Variants in GRID2 observed in about 807,000 individuals in gnomAD.
The protein encoded by GRID2 is glutamate receptor ionotropic, delta-2.
In GRID2, 33 loss-of-function variants were observed where a neutral mutation model predicts 114.8. The ratio of observed to expected loss-of-function variants is 0.29; its 90% CI spans 0.22 to 0.38. The LOEUF (loss-of-function observed/expected upper bound fraction) is 0.38, where lower values mean the gene tolerates loss of function less well. Ranked by LOEUF, GRID2 falls within the 10% of genes least tolerant of loss-of-function variation. GRID2 has a pLI of 1.00. For synonymous variants in GRID2, 505 were observed against 449.9 expected (o/e 1.12, Z -1.55); for missense variants, 1,184 against 1,257.7 (o/e 0.94, Z 0.89).
intron 2 of GRID2, among the ~76,000 whole-genome samples, chr4:92,617,860 G>GTGTTGTTGT (rs199877203): frequency 1.9e-4 from 29 of 151,452 alleles, no homozygotes; most frequent in Non-Finnish European, 3.0e-4. Flanking sequence ...AGACGATTTT[G>GTGTTGTTGT]TGTTGTTGTT....
chr4:93,421,051 T>G (rs1368563216), intron 9 of GRID2, among the ~76,000 whole-genome samples: 1 of 152,154 alleles, frequency 6.6e-6, no homozygotes, highest in Non-Finnish European at 1.5e-5. Flanking sequence ...TCTTACATTC[T>G]AGAGCCTTGG....
At chr4:93,427,553 A>T (rs1255182286) in intron 10 of GRID2, among the ~76,000 whole-genome samples, 1 of 151,998 alleles carries the variant, frequency 6.6e-6, no homozygotes, top group Non-Finnish European at 1.5e-5. Flanking sequence ...CATCACATTA[A>T]AGAAGAGTCA....
intron 14 of GRID2, among the ~76,000 whole-genome samples, chr4:93,704,593 C>G (rs760233565): frequency 7.2e-5 from 11 of 152,164 alleles, no homozygotes; most frequent in Non-Finnish European, 1.6e-4. Context: ...ATTATCCCCA[C>G]TTCCCTTCTT....
intron 2 of GRID2, among the ~76,000 whole-genome samples, chr4:92,997,916 C>T (rs189415083): frequency 3.4e-4 from 51 of 152,114 alleles, no homozygotes; most frequent in African/African-American, 1.1e-3. Flanking sequence ...GTATTTATTA[C>T]TCACATATCG....
chr4:92,444,299 G>C (rs576173804), intron 1 of GRID2, among the ~76,000 whole-genome samples: 1 of 152,300 alleles, frequency 6.6e-6, no homozygotes, highest in Non-Finnish European at 1.5e-5. Flanking sequence ...AGTCCGTAAA[G>C]AGAGTCAGTG....
At chr4:93,203,838 C>G (rs1742368828) in intron 4 of GRID2, 1 of 152,148 alleles carries the variant, frequency 6.6e-6, no homozygotes. Flanking sequence ...CACAATCCTA[C>G]TAAGCTGGAA....
intron 4 of GRID2, among the ~76,000 whole-genome samples, chr4:93,163,776 A>G (rs974635034): frequency 2.0e-5 from 3 of 151,936 alleles, no homozygotes; most frequent in African/African-American, 7.2e-5. Context: ...CTGGAAAATA[A>G]GTTTGGGCAG....
intron 13 of GRID2, among the ~76,000 whole-genome samples, chr4:93,559,719 C>G (rs1332571150): frequency 6.6e-6 from 1 of 152,094 alleles, no homozygotes; most frequent in Non-Finnish European, 1.5e-5. Flanking sequence ...CCCAGCCATC[C>G]CATTACTGGG....
At chr4:93,210,602 T>A (rs142184782) in intron 5 of GRID2, among the ~76,000 whole-genome samples, 1 of 152,240 alleles carries the variant, frequency 6.6e-6, no homozygotes, top group Non-Finnish European at 1.5e-5. Flanking sequence ...CTTAGAATTT[T>A]GTTTTTGACC....
At chr4:93,546,764 C>T (rs573737655) in intron 13 of GRID2, among the ~76,000 whole-genome samples, 2 of 152,216 alleles carry the variant, frequency 1.3e-5, no homozygotes, top group African/African-American at 2.4e-5. Context: ...TATCAGAATA[C>T]TCTTAGAGGA....
intron 2 of GRID2, among the ~76,000 whole-genome samples, chr4:92,918,403 T>TGA (rs1421958496): frequency 6.6e-6 from 1 of 152,312 alleles, no homozygotes; most frequent in African/African-American, 2.4e-5. Context: ...ATAGGAGTGG[T>TGA]GAGAGAGGGC....
At chr4:93,410,629 A>G (rs1767020666) in intron 9 of GRID2, among the ~76,000 whole-genome samples, 1 of 152,054 alleles carries the variant, frequency 6.6e-6, no homozygotes, top group Non-Finnish European at 1.5e-5. Context: ...TGTTGCCCCA[A>G]CTGGAGAGCA....
At chr4:92,920,633 C>T (rs1030916662) in intron 2 of GRID2, among the ~76,000 whole-genome samples, 1 of 152,146 alleles carries the variant, frequency 6.6e-6, no homozygotes, top group Non-Finnish European at 1.5e-5. Flanking sequence ...ATATGAAATT[C>T]TGGGTTGAAA....
chr4:93,286,199 C>T, intron 8 of GRID2, among the ~76,000 whole-genome samples: 1 of 151,938 alleles, frequency 6.6e-6, no homozygotes, highest in East Asian at 1.9e-4. Flanking sequence ...TAAAAATAGA[C>T]TGAGCTAGTT....
At chr4:92,885,886 A>G (rs1327271012) in intron 2 of GRID2, among the ~76,000 whole-genome samples, 4 of 152,130 alleles carry the variant, frequency 2.6e-5, no homozygotes, top group Non-Finnish European at 5.9e-5. Flanking sequence ...GGGTATAGTA[A>G]CTCTCAAGTA....
chr4:93,229,261 G>T (rs1279311386), intron 7 of GRID2, among the ~76,000 whole-genome samples: 2 of 152,110 alleles, frequency 1.3e-5, no homozygotes, highest in African/African-American at 2.4e-5. Flanking sequence ...GAGAAAGAAA[G>T]TTCATTACTC....
At chr4:93,071,979 G>A (rs114391320) in intron 2 of GRID2, among the ~76,000 whole-genome samples, 4,539 of 152,096 alleles carry the variant, frequency 0.03, 109 homozygotes, top group Non-Finnish European at 0.045. Context: ...TATAAGCACT[G>A]GAAAACACAA....
intron 1 of GRID2, among the ~76,000 whole-genome samples, chr4:92,395,155 A>G (rs909347264): frequency 2.0e-5 from 3 of 151,650 alleles, no homozygotes. Context: ...TTATTCAAAA[A>G]TTAGCTTAAA....
intron 2 of GRID2, among the ~76,000 whole-genome samples, chr4:93,069,748 A>G (rs752398225): frequency 9.9e-5 from 15 of 152,090 alleles, no homozygotes; most frequent in Admixed American, 7.2e-4. Context: ...ACTGCCTTTA[A>G]TGCCTGAAGA....
Sources: gnomAD v4.1 joint callset for allele counts (sites outside exome capture counted in the v4.1 genomes callset) on GRCh38, gnomAD v4.1.1 for gene constraint, MANE v1.5 for transcripts, NCBI Gene and HGNC (gene_info 2026-07-23, HGNC 2026-07-21) for gene names.